Variants in PEX5L observed in about 807,000 individuals in gnomAD.
PEX5L encodes PEX5-related protein.
PEX5L carries 30 observed loss-of-function variants against 84.0 expected under a neutral mutation model. That is an observed-to-expected ratio of 0.36 (90% confidence interval 0.27 to 0.48). PEX5L has a LOEUF of 0.48. Ranked by LOEUF, PEX5L falls within the 20% of genes least tolerant of loss-of-function variation. The probability of loss-of-function intolerance (pLI) is 0.99; values close to 1 mark genes in which losing one functional copy is unlikely to be tolerated. For missense variants in PEX5L, 533 were observed against 754.6 expected, an observed-to-expected ratio of 0.71 and a Z score of 3.44; for synonymous variants, 270 against 283.1, an observed-to-expected ratio of 0.95 and a Z score of 0.46.
chr3:179,835,832 A>G (rs1486592859), intron 8 of PEX5L, among the ~76,000 whole-genome samples: 1 of 152,186 alleles, frequency 6.6e-6, no homozygotes, highest in Non-Finnish European at 1.5e-5. Flanking sequence ...AAATCTTCAA[A>G]ATTAGATTTA....
At chr3:179,819,779 A>G (rs1396483393) in intron 9 of PEX5L, 81 bp downstream of exon 9, 10 of 1,161,940 alleles carry the variant, frequency 8.6e-6, no homozygotes, top group African/African-American at 3.1e-5. Flanking sequence ...TTTTGACAGA[A>G]TAGCTATTGA....
Position 179,808,434 on chromosome 3 carries a change from A to T in PEX5L, c.1356T>A (p.Ser452=). Reference sequence around the variant, plus strand: ...ATAATTCCTTCACCCCTTCCAGAACAGAGCTACAAGAGAAAAAAAAAATTA... The same window carrying T: ...ATAATTCCTTCACCCCTTCCAGAACTGAGCTACAAGAGAAAAAAAAAATTA... ...RRMSKSPVDS[S]VLEGVKELYL... Residue 452 remains serine, a synonymous_variant, in exon 13 of 15, where the codon TCT becomes TCA. Coordinates refer to ENST00000467460, the MANE Select transcript of PEX5L (RefSeq NM_016559.3). 6.8e-7 allele frequency: 1 copy of T among 1,467,412 alleles called. No homozygotes were observed. Among genetic ancestry groups the T allele is most frequent in the Non-Finnish European group, 9.0e-7 (1 of 1,105,960 alleles). 90.9% of individuals were successfully genotyped at this position (1,467,412 alleles called of 1,614,324 possible). A position where few individuals can be genotyped will look rare whatever the true frequency, so the allele number is the denominator to read the frequency against.
Position 180,036,908 on chromosome 3 carries a change from CCTT to C in PEX5L, c.-312_-310del, listed in dbSNP as rs1452175006. 9 of 430,050 alleles carry C rather than the reference CCTT, an allele frequency of 2.1e-5. No homozygotes were observed. The highest frequency in any genetic ancestry group is 6.4e-5 in the South Asian group (2 of 31,176). 26.6% of individuals were successfully genotyped at this position (430,050 alleles called of 1,614,324 possible). A position where few individuals can be genotyped will look rare whatever the true frequency, so the allele number is the denominator to read the frequency against. On this transcript the variant is annotated 5_prime_UTR_variant, in exon 1 of 15. Coordinates refer to ENST00000467460, the MANE Select transcript of PEX5L (RefSeq NM_016559.3). ...TCGCGGGGCGTCTCTAGAACTCACT[CCTT>C]CTTCGCCGAACTCTTTCTCGCTTCC... is the stretch of plus-strand genomic sequence containing the variant.
intron 2 of PEX5L, among the ~76,000 whole-genome samples, chr3:179,912,212 A>G (rs974389147): frequency 6.6e-6 from 1 of 152,120 alleles, no homozygotes; most frequent in African/African-American, 2.4e-5. Context: ...ATTGGTTTCA[A>G]GTTGCTTAAA....
intron 1 of PEX5L, among the ~76,000 whole-genome samples, chr3:180,012,285 A>G (rs1166069358): frequency 6.6e-6 from 1 of 152,162 alleles, no homozygotes; most frequent in Non-Finnish European, 1.5e-5. Context: ...TGCCTTATGT[A>G]TATGTTAACG....
intron 1 of PEX5L, among the ~76,000 whole-genome samples, chr3:180,012,530 A>G (rs1053622486): frequency 6.6e-6 from 1 of 152,180 alleles, no homozygotes; most frequent in African/African-American, 2.4e-5. Context: ...CTTTAGAAGA[A>G]TTATATGATT....
chr3:179,801,786 TCA>T lies in PEX5L; in HGVS notation c.*40_*41del. The T allele has an allele frequency of 8.3e-7, 1 of 1,207,142 alleles. No homozygotes were observed. The highest frequency in any genetic ancestry group is 1.2e-6 in the Non-Finnish European group (1 of 809,328). 74.8% of individuals were successfully genotyped at this position (1,207,142 alleles called of 1,614,324 possible). On this transcript the variant is annotated 3_prime_UTR_variant, in exon 15 of 15. Transcript: ENST00000467460. ...AATAGTTTTTGATTTTTCAGTACAA[TCA>T]CACAGATCAGGGATTATTAGTACTG...
At chr3:179,867,768 A>G (rs1748848927) in intron 7 of PEX5L, among the ~76,000 whole-genome samples, 2 of 152,186 alleles carry the variant, frequency 1.3e-5, no homozygotes, top group African/African-American at 4.8e-5. Context: ...GGGCTTGACA[A>G]TCATTTTGGA....
chr3:179,833,162 TGTATGATTACA>T (rs1296998074), intron 8 of PEX5L, among the ~76,000 whole-genome samples: 1 of 152,242 alleles, frequency 6.6e-6, no homozygotes, highest in African/African-American at 2.4e-5. Context: ...GGGTTTAGCC[TGTATGATTACA>T]GTGGGAATGG....
At chr3:179,865,155 A>G (rs1474564717) in intron 7 of PEX5L, among the ~76,000 whole-genome samples, 1 of 152,210 alleles carries the variant, frequency 6.6e-6, no homozygotes, top group Non-Finnish European at 1.5e-5. Context: ...TAAAACAACA[A>G]GTGCAAATAG....
At chr3:179,936,355 C>A (rs1245225184) in intron 2 of PEX5L, among the ~76,000 whole-genome samples, 1 of 152,050 alleles carries the variant, frequency 6.6e-6, no homozygotes, top group African/African-American at 2.4e-5. Context: ...ATGTGGAAGA[C>A]AAAGGAATAA....
At chr3:180,002,960 A>AT (rs1428189782) in intron 1 of PEX5L, among the ~76,000 whole-genome samples, 1 of 152,124 alleles carries the variant, frequency 6.6e-6, no homozygotes, top group Non-Finnish European at 1.5e-5. Flanking sequence ...TTTGGAGCGT[A>AT]TTTTATCTTC....
chr3:179,807,850 C>G lies in PEX5L; in HGVS notation c.1519-19G>C. 6.2e-7 allele frequency: 1 copy of G among 1,608,388 alleles called. No individual in the cohort carries two copies. Among genetic ancestry groups the G allele is most frequent in the Non-Finnish European group, 8.5e-7 (1 of 1,177,016 alleles). Reference sequence around the variant, plus strand: ...AATAGTCCTGATGACAAAATCAGAACTTTCTAACAACCCAGTACAAGGCAC... The same window carrying G: ...AATAGTCCTGATGACAAAATCAGAAGTTTCTAACAACCCAGTACAAGGCAC... On this transcript the variant is annotated intron_variant, in intron 13 of 14. Transcript: ENST00000467460.
chr3:179,975,816 C>T lies in PEX5L; in HGVS notation c.22-4151G>A, dbSNP rs552989718. Among the ~76,000 whole-genome samples the T allele has an allele frequency of 2.6e-5, 4 of 152,266 alleles. 1 individual carries two copies. In the South Asian group the frequency reaches 8.3e-4, roughly 32 times the overall value. ...CTAAAAGGTGATTTCCTCATATCTG[C>T]TTTTCCTTGAAGACTTTGATCTAAT... On this transcript the variant is annotated intron_variant, in intron 1 of 14. Coordinates refer to ENST00000467460, the MANE Select transcript of PEX5L (RefSeq NM_016559.3).
intron 2 of PEX5L, among the ~76,000 whole-genome samples, chr3:179,922,471 A>ATT (rs1443217419): frequency 3.5e-5 from 5 of 143,198 alleles, no homozygotes; most frequent in East Asian, 2.0e-4. Flanking sequence ...TTTTTTTTGA[A>ATT]GGAGTCTTGC....
intron 9 of PEX5L, among the ~76,000 whole-genome samples, chr3:179,817,889 G>T (rs1407964088): frequency 6.6e-6 from 1 of 152,204 alleles, no homozygotes; most frequent in Middle Eastern, 3.2e-3. Context: ...GACCTCGGGG[G>T]CACGAGTTAC....
At chr3:179,973,021 T>G (rs1785146415) in intron 1 of PEX5L, 2 of 317,316 alleles carry the variant, frequency 6.3e-6, no homozygotes, top group Admixed American at 9.4e-5. Context: ...CAAGGTTGGT[T>G]TCAGTCAAGC....
chr3:179,915,894 A>G (rs972208687), intron 2 of PEX5L, among the ~76,000 whole-genome samples: 1 of 152,228 alleles, frequency 6.6e-6, no homozygotes, highest in African/African-American at 2.4e-5. Flanking sequence ...AATAAAAATA[A>G]CTACCAAAAT....
intron 7 of PEX5L, among the ~76,000 whole-genome samples, chr3:179,870,415 C>A (rs1464551452): frequency 6.6e-6 from 1 of 152,018 alleles, no homozygotes; most frequent in Non-Finnish European, 1.5e-5. Context: ...CTGCCCACTC[C>A]AAGACCCTTA....
Sources: gnomAD v4.1 joint callset for allele counts (sites outside exome capture counted in the v4.1 genomes callset) on GRCh38, gnomAD v4.1.1 for gene constraint, MANE v1.5 for transcripts, NCBI Gene and HGNC (gene_info 2026-07-23, HGNC 2026-07-21) for gene names.